The following VAV2 variants were observed in gnomAD, a reference collection of about 807,000 sequenced individuals.
VAV2 encodes vav guanine nucleotide exchange factor 2, also known as guanine nucleotide exchange factor VAV2.
A neutral mutation model predicts 132.5 loss-of-function variants in VAV2; 67 were observed. The ratio of observed to expected loss-of-function variants is 0.51; its 90% CI spans 0.42 to 0.62. The LOEUF is 0.62. Ranked by LOEUF, VAV2 falls within the 20% of genes least tolerant of loss-of-function variation. VAV2 has a pLI of 0.00. For synonymous variants in VAV2, 492 were observed against 443.5 expected, an observed-to-expected ratio of 1.11 and a Z score of -1.37; for missense variants, 938 against 1,153.6, an observed-to-expected ratio of 0.81 and a Z score of 2.71.
At chr9:133,783,210 T>G (rs1429133119) in intron 19 of VAV2, among the ~76,000 whole-genome samples, 1 of 152,036 alleles carries the variant, frequency 6.6e-6, no homozygotes, top group African/African-American at 2.4e-5. Flanking sequence ...GGGGTGGAGA[T>G]TCTAGAAGCT....
intron 2 of VAV2, among the ~76,000 whole-genome samples, chr9:133,893,636 A>G (rs1839072923): frequency 6.6e-6 from 1 of 152,168 alleles, no homozygotes; most frequent in Non-Finnish European, 1.5e-5. Flanking sequence ...TGCCTGCAGA[A>G]CAGGGGCGAG....
rs143991044 is a variant in VAV2, at chr9:133,897,608, G to A, written c.322-36176C>T. On this transcript the variant is annotated intron_variant, in intron 2 of 29. Transcript: ENST00000371850. ...AGAGCTCTGCTGTCTCCCCACCTCC[G>A]CAGCAACACAGGCCCCCCTCTGGGT... is the stretch of plus-strand genomic sequence containing the variant. Among the ~76,000 whole-genome samples, 250 of 152,158 alleles carry A rather than the reference G, an allele frequency of 1.6e-3. 2 individuals are homozygous for A. Among genetic ancestry groups the A allele is most frequent in the African/African-American group, 5.9e-3 (245 of 41,458 alleles).
chr9:133,898,185 G>C (rs986545580), intron 2 of VAV2, among the ~76,000 whole-genome samples: 1 of 152,148 alleles, frequency 6.6e-6, no homozygotes, highest in Non-Finnish European at 1.5e-5. Flanking sequence ...AGGAAACTGA[G>C]GCCGGGCGGG....
rs1554806969 is a variant in VAV2 at position 133,910,832 on chromosome 9, A to AAAAAAG, written c.321+28265_321+28270dup. Among the ~76,000 whole-genome samples the AAAAAAG allele has an allele frequency of 4.1e-3, 590 of 145,426 alleles. 11 individuals are homozygous for AAAAAAG. The highest frequency in any genetic ancestry group is 0.014 in the African/African-American group (542 of 38,650). ...GAGCGAGACTCGGTCTCAAAAAAAA[A>AAAAAAG]AAAAAGAAAAAGAAAAAGAAAACTG... On this transcript the variant is annotated intron_variant, in intron 2 of 29. Transcript: ENST00000371850.
Position 133,990,100 on chromosome 9 carries a change from G to C in VAV2, c.204+1975C>G, listed in dbSNP as rs138622156. On this transcript the variant is annotated intron_variant, in intron 1 of 29. Transcript: ENST00000371850. Reference sequence around the variant, plus strand: ...CAGAGATGGGGAAACTGAGGCTCTGGAGGTCGTTGCCTACCTGGGAGGGGA... The same window carrying C: ...CAGAGATGGGGAAACTGAGGCTCTGCAGGTCGTTGCCTACCTGGGAGGGGA... Among the ~76,000 whole-genome samples the C allele has an allele frequency of 4.6e-5, 7 of 152,320 alleles. No individual in the cohort carries two copies. In the East Asian group the frequency reaches 1.2e-3, roughly 25 times the overall value.
In VAV2 at chr9:133,826,645, C is replaced by G. The variant is rs908498986; in HGVS notation, c.449+7627G>C. On this transcript the variant is annotated intron_variant, in intron 4 of 29. Coordinates refer to ENST00000371850, the MANE Select transcript of VAV2 (RefSeq NM_001134398.2). The surrounding 1 kb of genome is among the most constrained non-coding windows in gnomAD (Gnocchi z 4.2). ...AGGCTCCAGGTCCAACCACCCCTCC[C>G]CCAGCCACCTAGGATGAAGCGGTGG... is the stretch of plus-strand genomic sequence containing the variant. Among the ~76,000 whole-genome samples, 1 of 152,202 alleles carries G rather than the reference C, an allele frequency of 6.6e-6. No homozygotes were observed. Among genetic ancestry groups the G allele is most frequent in the Non-Finnish European group, 1.5e-5 (1 of 68,012 alleles).
chr9:133,903,601 C>T (rs1190385738), intron 2 of VAV2, among the ~76,000 whole-genome samples: 2 of 152,190 alleles, frequency 1.3e-5, no homozygotes, highest in Non-Finnish European at 2.9e-5. Context: ...TCGGACATGG[C>T]CTCAGCCAGC....
chr9:133,963,169 C>T (rs1015221776), intron 1 of VAV2, among the ~76,000 whole-genome samples: 3 of 152,186 alleles, frequency 2.0e-5, no homozygotes, highest in African/African-American at 7.2e-5. Context: ...GTCGAAGCTA[C>T]AAGAGCTTCC....
At chr9:133,959,988 T>C (rs1019707773) in intron 1 of VAV2, among the ~76,000 whole-genome samples, 5 of 152,182 alleles carry the variant, frequency 3.3e-5, no homozygotes, top group African/African-American at 4.8e-5. Context: ...TTTGTGGTCA[T>C]TTGCTGTGGC....
intron 12 of VAV2, among the ~76,000 whole-genome samples, chr9:133,792,684 C>A (rs112320127): frequency 0.54 from 69,972 of 129,218 alleles, 18,914 homozygotes; most frequent in South Asian, 0.62. Context: ...AGGGACCCCC[C>A]CCCCCACCCC....
intron 3 of VAV2, among the ~76,000 whole-genome samples, chr9:133,859,956 G>A (rs1251979419): frequency 6.6e-6 from 1 of 152,078 alleles, no homozygotes; most frequent in Non-Finnish European, 1.5e-5. Context: ...TATTCTTTAT[G>A]CCCCAAATGT....
At chr9:133,766,759 AATATATATAT>A (rs373267933) in intron 29 of VAV2, among the ~76,000 whole-genome samples, 25 of 112,114 alleles carry the variant, frequency 2.2e-4, no homozygotes, top group African/African-American at 5.0e-4. Context: ...AGTATAAATA[AATATATATAT>A]ATATATATAT....
At chr9:133,843,238 G>C (rs543310683) in intron 3 of VAV2, among the ~76,000 whole-genome samples, 1 of 152,312 alleles carries the variant, frequency 6.6e-6, no homozygotes, top group Non-Finnish European at 1.5e-5. Flanking sequence ...CAGGGAGCAC[G>C]CAGAGACAGC....
At position 133,855,771 on chromosome 9, in the gene VAV2, AT is replaced by A. The variant is rs761490967; in HGVS notation, c.380+5602del. ...TACGGGTATGTCTGATATTCTGAGA[AT>A]TCACTTCAAATTGAAGCAGGAAGTT... On this transcript the variant is annotated intron_variant, in intron 3 of 29. Transcript: ENST00000371850. Among the ~76,000 whole-genome samples the A allele has an allele frequency of 1.1e-4, 17 of 152,302 alleles. 1 individual carries two copies. The East Asian group carries it at 2.7e-3, about 24-fold the overall frequency.
chr9:133,917,125 T>C (rs1012940619), intron 2 of VAV2, among the ~76,000 whole-genome samples: 4 of 149,018 alleles, frequency 2.7e-5, no homozygotes, highest in Non-Finnish European at 5.9e-5. Context: ...CCAGACCTGC[T>C]CCCCACCCAG....
At chr9:133,783,119 G>A (rs532497886) in intron 19 of VAV2, among the ~76,000 whole-genome samples, 1 of 152,168 alleles carries the variant, frequency 6.6e-6, no homozygotes, top group East Asian at 1.9e-4. Context: ...GGCCTCACCC[G>A]CCGGGAGAAC....
intron 4 of VAV2, among the ~76,000 whole-genome samples, 195 bp from the exon 5 acceptor site, chr9:133,812,411 C>T (rs536056567): frequency 2.4e-4 from 36 of 152,342 alleles, no homozygotes; most frequent in Non-Finnish European, 3.7e-4. Context: ...CAGCGTAAGG[C>T]GCATCCTCCA....
At chr9:133,920,323 G>A (rs1251708381) in intron 2 of VAV2, among the ~76,000 whole-genome samples, 1 of 152,242 alleles carries the variant, frequency 6.6e-6, no homozygotes, top group African/African-American at 2.4e-5. Context: ...CTGCACAGCA[G>A]TGCAAGACAG....
At chr9:133,965,977 C>A (rs1225182023) in intron 1 of VAV2, among the ~76,000 whole-genome samples, 3 of 152,174 alleles carry the variant, frequency 2.0e-5, no homozygotes, top group African/African-American at 7.2e-5. Context: ...AGAAATGAAT[C>A]CACACATTTA....
Sources: allele counts gnomAD v4.1 joint callset (sites outside exome capture counted in the v4.1 genomes callset), GRCh38; gene constraint gnomAD v4.1.1; non-coding constraint Gnocchi (gnomAD v3.1); transcripts MANE v1.5; gene names NCBI Gene and HGNC (gene_info 2026-07-23, HGNC 2026-07-21).